ZNF578: variants seen among roughly 807,000 people sequenced by gnomAD.
ZNF578 encodes the protein zinc finger protein 578.
ZNF578 carries 8 observed loss-of-function variants against 8.3 expected under a neutral mutation model. That is an observed-to-expected ratio of 0.96 (90% CI 0.56 to 1.74). The LOEUF is 1.74. Ranked by LOEUF, ZNF578 falls within the 40% of genes most tolerant of loss-of-function variation. The pLI is 0.00. For synonymous variants in ZNF578, 206 were observed against 232.2 expected (o/e 0.89, Z 1.03); for missense variants, 726 against 707.5 (o/e 1.03, Z -0.30).
rs1237196132 is a variant in ZNF578, at chr19:52,512,220, G to T, written c.*66G>T. Reference sequence around the variant, plus strand: ...GACAAAGTTTTCAGTCACAGATCACGCCTTAAAAGACATAGGAGAATTCAT... The same window carrying T: ...GACAAAGTTTTCAGTCACAGATCACTCCTTAAAAGACATAGGAGAATTCAT... On this transcript the variant is annotated 3_prime_UTR_variant, in exon 6 of 6. Coordinates refer to ENST00000421239, the MANE Select transcript of ZNF578 (RefSeq NM_001099694.2). The T allele has an allele frequency of 5.6e-6, 9 of 1,599,760 alleles. No individual in the cohort carries two copies. In the East Asian group the frequency reaches 1.8e-4, roughly 32 times the overall value.
intron 3 of ZNF578, among the ~76,000 whole-genome samples, chr19:52,492,231 G>A (rs2059368085): frequency 6.7e-6 from 1 of 149,070 alleles, no homozygotes; most frequent in African/African-American, 2.5e-5. Flanking sequence ...GAGAGGGGGT[G>A]TTACTTTGTC....
intron 2 of ZNF578, among the ~76,000 whole-genome samples, chr19:52,483,265 A>G (rs1397141070): frequency 1.3e-5 from 2 of 151,712 alleles, no homozygotes; most frequent in Non-Finnish European, 2.9e-5. Context: ...AAACTACAAA[A>G]TTAGCTGGGT....
At chr19:52,479,917 T>G (rs1022823455) in intron 2 of ZNF578, among the ~76,000 whole-genome samples, 1 of 152,060 alleles carries the variant, frequency 6.6e-6, no homozygotes, top group Non-Finnish European at 1.5e-5. Flanking sequence ...CTGTATTCAT[T>G]TATTTATTTA....
chr19:52,512,212 C>T lies in ZNF578; in HGVS notation c.*58C>T, dbSNP rs2059451723. On this transcript the variant is annotated 3_prime_UTR_variant, in exon 6 of 6. Transcript: ENST00000421239. ...AAGCATGTGACAAAGTTTTCAGTCACAGATCACGCCTTAAAAGACATAGGA... is the reference window on the plus strand; with the variant it reads ...AAGCATGTGACAAAGTTTTCAGTCATAGATCACGCCTTAAAAGACATAGGA... 1.9e-6 allele frequency: 3 copies of T among 1,606,842 alleles called. No homozygotes were observed. In the South Asian group the frequency reaches 3.3e-5, roughly 18 times the overall value.
At chr19:52,471,332 G>A (rs1165158302) in intron 2 of ZNF578, among the ~76,000 whole-genome samples, 2 of 152,152 alleles carry the variant, frequency 1.3e-5, no homozygotes. Context: ...TCCCTGGTTT[G>A]CAGAGAGCCT....
At chr19:52,473,736 G>A (rs1156783832) in intron 2 of ZNF578, 2 of 278,276 alleles carry the variant, frequency 7.2e-6, no homozygotes, top group Non-Finnish European at 1.4e-5. Context: ...CATGTATAAG[G>A]TTTCCTTCCA....
At chr19:52,494,345 A>C (rs574432360) in intron 3 of ZNF578, among the ~76,000 whole-genome samples, 2 of 152,208 alleles carry the variant, frequency 1.3e-5, no homozygotes, top group Non-Finnish European at 2.9e-5. Context: ...AAGAAAAAAA[A>C]ATTTAACGGG....
intron 2 of ZNF578, among the ~76,000 whole-genome samples, chr19:52,472,130 C>G (rs985266937): frequency 1.6e-4 from 24 of 152,086 alleles, no homozygotes; most frequent in African/African-American, 5.8e-4. Flanking sequence ...GTGACTCATG[C>G]CTGTATTCCC....
intron 2 of ZNF578, among the ~76,000 whole-genome samples, chr19:52,459,344 A>C (rs1315535342): frequency 6.6e-6 from 1 of 152,072 alleles, no homozygotes; most frequent in Non-Finnish European, 1.5e-5. Flanking sequence ...GTGGAATCAC[A>C]TAGTATTTGT....
At chr19:52,506,408 C>A (rs188339718) in intron 5 of ZNF578, among the ~76,000 whole-genome samples, 19 of 149,686 alleles carry the variant, frequency 1.3e-4, no homozygotes, top group African/African-American at 4.7e-4. Flanking sequence ...GTCAGGAGTT[C>A]GAGACCAGCC....
chr19:52,469,647 C>T (rs1338649513), intron 2 of ZNF578, among the ~76,000 whole-genome samples: 1 of 152,170 alleles, frequency 6.6e-6, no homozygotes, highest in Non-Finnish European at 1.5e-5. Flanking sequence ...ACTCATGATT[C>T]AGTGCTCCTG....
chr19:52,466,984 C>T (rs1265920637), intron 2 of ZNF578, among the ~76,000 whole-genome samples: 1 of 151,406 alleles, frequency 6.6e-6, no homozygotes, highest in Non-Finnish European at 1.5e-5. Flanking sequence ...ACTCATTTCA[C>T]GTTTTCCCAG....
intron 2 of ZNF578, among the ~76,000 whole-genome samples, chr19:52,485,633 C>T (rs1021886637): frequency 1.3e-5 from 2 of 152,182 alleles, no homozygotes; most frequent in Non-Finnish European, 2.9e-5. Context: ...AAGAAAAATT[C>T]TTCTGCCTTG....
rs966693136 is a variant in ZNF578 at position 52,453,587 on chromosome 19, G to C, written c.-233G>C. ...AAGACCCGGAAGCCGATCGCGTGGG[G>C]AGCCGGTCTTGGAGCAGCGGGTGAG... On this transcript the variant is annotated 5_prime_UTR_variant, in exon 1 of 6. Transcript: ENST00000421239. 6.5e-6 allele frequency: 1 copy of C among 152,792 alleles called. No homozygotes were observed. Among genetic ancestry groups the C allele is most frequent in the Non-Finnish European group, 1.5e-5 (1 of 68,300 alleles). 9.5% of individuals were successfully genotyped at this position (152,792 alleles called of 1,614,324 possible).
intron 2 of ZNF578, among the ~76,000 whole-genome samples, chr19:52,464,706 A>G (rs2059269156): frequency 6.6e-6 from 1 of 152,204 alleles, no homozygotes; most frequent in Non-Finnish European, 1.5e-5. Flanking sequence ...AACAATCTGG[A>G]AATTGATCTC....
intron 2 of ZNF578, among the ~76,000 whole-genome samples, chr19:52,481,709 C>T (rs571637903): frequency 6.6e-6 from 1 of 152,190 alleles, no homozygotes; most frequent in East Asian, 1.9e-4. Context: ...AAAAAAATCA[C>T]TTTCTGTTAT....
At chr19:52,500,774 T>G (rs2059404008) in intron 3 of ZNF578, among the ~76,000 whole-genome samples, 1 of 151,700 alleles carries the variant, frequency 6.6e-6, no homozygotes, top group Admixed American at 6.6e-5. Flanking sequence ...AGAAGGGGAG[T>G]CTGGTTCCCT....
chr19:52,459,991 T>C (rs2122764270), intron 2 of ZNF578, among the ~76,000 whole-genome samples: 1 of 150,530 alleles, frequency 6.6e-6, no homozygotes, highest in South Asian at 2.1e-4. Context: ...GGTCTCAATC[T>C]GTTGACCTCG....
At chr19:52,463,462 A>C (rs1435577815) in intron 2 of ZNF578, among the ~76,000 whole-genome samples, 5 of 152,162 alleles carry the variant, frequency 3.3e-5, no homozygotes. Flanking sequence ...AGGTAAGTCA[A>C]AATTTGGGGC....
Sources: gnomAD v4.1 joint callset for allele counts (sites outside exome capture counted in the v4.1 genomes callset) on GRCh38, gnomAD v4.1.1 for gene constraint, MANE v1.5 for transcripts, NCBI Gene and HGNC (gene_info 2026-07-23, HGNC 2026-07-21) for gene names.